The following FYB1 variants were observed in gnomAD, a reference collection of about 807,000 sequenced individuals.
FYB1 encodes the protein FYN binding protein 1.
Under a neutral mutation model 94.1 loss-of-function variants are expected in FYB1, and 41 were observed. That is an observed-to-expected ratio of 0.44 (90% CI 0.34 to 0.57). The LOEUF (loss-of-function observed/expected upper bound fraction) is 0.57. Ranked by LOEUF, FYB1 falls within the 20% of genes least tolerant of loss-of-function variation. FYB1 has a pLI of 0.02. For synonymous variants in FYB1, 367 were observed against 353.2 expected, an observed-to-expected ratio of 1.04 and a Z score of -0.44; for missense variants, 1,050 against 976.8, an observed-to-expected ratio of 1.07 and a Z score of -1.00.
At chr5:39,120,164 A>G (rs1420277447) in intron 14 of FYB1, among the ~76,000 whole-genome samples, 2 of 152,088 alleles carry the variant, frequency 1.3e-5, no homozygotes, top group Non-Finnish European at 2.9e-5. Flanking sequence ...TAGATATTAT[A>G]AGAAGGAGCT....
At chr5:39,186,726 T>C (rs1331843152) in intron 2 of FYB1, among the ~76,000 whole-genome samples, 1 of 148,668 alleles carries the variant, frequency 6.7e-6, no homozygotes, top group East Asian at 2.0e-4. Context: ...CTATTTCCAT[T>C]GGGTCTTTAT....
intron 1 of FYB1, among the ~76,000 whole-genome samples, chr5:39,258,398 G>C (rs1752060864): frequency 6.6e-6 from 1 of 152,140 alleles, no homozygotes; most frequent in Non-Finnish European, 1.5e-5. Context: ...TCAGGAGTTT[G>C]AGACCAGCCT....
In FYB1 at chr5:39,268,137, A is replaced by C. The variant is rs577153051; in HGVS notation, c.-28+6266T>G. On this transcript the variant is annotated intron_variant, in intron 1 of 1. Coordinates refer to the FYB1 transcript ENST00000510188. Reference sequence around the variant, plus strand: ...TATAAAATATGCATTTAAAATGATGACATTCTCGAAGGATCTGTACTAACC... The same window carrying C: ...TATAAAATATGCATTTAAAATGATGCCATTCTCGAAGGATCTGTACTAACC... Among the ~76,000 whole-genome samples, 5 of 152,344 alleles carry C rather than the reference A, an allele frequency of 3.3e-5. No individual in the cohort carries two copies. In the South Asian group the frequency reaches 1.0e-3, roughly 32 times the overall value.
intron 1 of FYB1, among the ~76,000 whole-genome samples, chr5:39,207,756 C>G (rs1176566291): frequency 6.6e-6 from 1 of 150,710 alleles, no homozygotes; most frequent in Non-Finnish European, 1.5e-5. Context: ...TGCTAATCTA[C>G]TGGTTCTTAA....
intron 2 of FYB1, among the ~76,000 whole-genome samples, chr5:39,165,381 C>T (rs1234869526): frequency 6.6e-6 from 1 of 152,056 alleles, no homozygotes; most frequent in Non-Finnish European, 1.5e-5. Context: ...CAAAAATGTA[C>T]ACTGGGGAAA....
At chr5:39,117,851 G>T (rs1739717365) in intron 16 of FYB1, among the ~76,000 whole-genome samples, 2 of 151,988 alleles carry the variant, frequency 1.3e-5, no homozygotes, top group African/African-American at 4.8e-5. Context: ...TTTGAAATTT[G>T]ACAAAAATAT....
intron 1 of FYB1, among the ~76,000 whole-genome samples, chr5:39,227,074 CATCT>C (rs78734288): frequency 1.3e-5 from 2 of 152,156 alleles, no homozygotes; most frequent in East Asian, 3.8e-4. Context: ...GTTTTTGTTG[CATCT>C]CTGTGTGTGC....
At chr5:39,145,525 G>A (rs970296107) in intron 3 of FYB1, among the ~76,000 whole-genome samples, 1 of 152,072 alleles carries the variant, frequency 6.6e-6, no homozygotes, top group African/African-American at 2.4e-5. Context: ...ATTACTAGAT[G>A]TATAAATAAA....
chr5:39,263,838 T>C (rs535732577), intron 1 of FYB1, among the ~76,000 whole-genome samples: 1 of 152,294 alleles, frequency 6.6e-6, no homozygotes, highest in African/African-American at 2.4e-5. Flanking sequence ...CTGGAGAGGA[T>C]GCACGTCACT....
chr5:39,132,121 AG>A (rs1311923221), intron 9 of FYB1, among the ~76,000 whole-genome samples: 3 of 152,198 alleles, frequency 2.0e-5, no homozygotes, highest in African/African-American at 7.2e-5. Flanking sequence ...GACAGCTGTC[AG>A]GGGCTGTGCT....
intron 3 of FYB1, among the ~76,000 whole-genome samples, chr5:39,153,030 A>G (rs1284790245): frequency 6.6e-6 from 1 of 152,262 alleles, no homozygotes; most frequent in Non-Finnish European, 1.5e-5. Flanking sequence ...ATAAGGTTAT[A>G]GAGATGATAT....
intron 1 of FYB1, among the ~76,000 whole-genome samples, chr5:39,257,416 ATTT>A (rs11357799): frequency 1.7e-4 from 25 of 145,500 alleles, no homozygotes; most frequent in Non-Finnish European, 1.2e-4. Flanking sequence ...GTCTTGCAGA[ATTT>A]TTTTTTTTTT....
intron 1 of FYB1, among the ~76,000 whole-genome samples, chr5:39,204,917 C>T (rs1229384855): frequency 2.0e-5 from 3 of 152,284 alleles, no homozygotes; most frequent in Middle Eastern, 6.8e-3. Context: ...CCTCCCTTTG[C>T]CACTTTTCTA....
chr5:39,150,837 T>C (rs987370279), intron 3 of FYB1, among the ~76,000 whole-genome samples: 4 of 152,222 alleles, frequency 2.6e-5, no homozygotes, highest in Admixed American at 6.5e-5. Flanking sequence ...ATTTCCCTGC[T>C]TTGACAATTG....
intron 1 of FYB1, among the ~76,000 whole-genome samples, chr5:39,255,707 C>A (rs771963607): frequency 3.3e-5 from 5 of 152,106 alleles, no homozygotes; most frequent in Non-Finnish European, 7.4e-5. Flanking sequence ...TACTTTAAAG[C>A]CAAAGGGAAA....
chr5:39,107,085 G>A lies in FYB1; in HGVS notation c.*358C>T, dbSNP rs1738585078. 6.3e-6 allele frequency: 1 copy of A among 159,152 alleles called. No homozygotes were observed. Among genetic ancestry groups the A allele is most frequent in the Admixed American group, 6.5e-5 (1 of 15,476 alleles). The allele number at this position is 159,152 out of a possible 1,614,324, so 9.9% of individuals were successfully genotyped here. A position where few individuals can be genotyped will look rare whatever the true frequency, so the allele number is the denominator to read the frequency against. On this transcript the variant is annotated 3_prime_UTR_variant, in exon 19 of 19. Coordinates refer to ENST00000512982, the MANE Select transcript of FYB1 (RefSeq NM_001465.6). ...TTCTTCCTTAGGTTTTTTTAGACAG[G>A]TCATTTCTTCCTGAATGATTTTCCT...
chr5:39,130,106 C>G (rs1010383921), intron 10 of FYB1, among the ~76,000 whole-genome samples: 2 of 151,848 alleles, frequency 1.3e-5, no homozygotes, highest in African/African-American at 4.8e-5. Flanking sequence ...TCATTTGCAG[C>G]AATATGGATG....
intron 16 of FYB1, among the ~76,000 whole-genome samples, chr5:39,114,413 C>T (rs575591363): frequency 4.6e-5 from 7 of 152,106 alleles, no homozygotes; most frequent in Non-Finnish European, 1.0e-4. Context: ...GGCTGATGTC[C>T]CACTGCGTAA....
intron 2 of FYB1, among the ~76,000 whole-genome samples, chr5:39,177,954 G>C (rs1745888168): frequency 6.6e-6 from 1 of 152,172 alleles, no homozygotes; most frequent in African/African-American, 2.4e-5. Context: ...TCCCTTTTAT[G>C]CTACTTCTGC....
Sources: gnomAD v4.1 joint callset for allele counts (sites outside exome capture counted in the v4.1 genomes callset) on GRCh38, gnomAD v4.1.1 for gene constraint, MANE v1.5 for transcripts, NCBI Gene and HGNC (gene_info 2026-07-23, HGNC 2026-07-21) for gene names.